Variants in CAMK1D observed in about 807,000 individuals in gnomAD.
CAMK1D encodes calcium/calmodulin-dependent protein kinase type 1D.
CAMK1D carries 9 observed loss-of-function variants against 47.7 expected under a neutral mutation model. The observed-to-expected ratio is 0.19, with a 90% confidence interval of 0.11 to 0.33. CAMK1D has a LOEUF of 0.33. CAMK1D is among the 10% of genes least tolerant of loss of function. The probability of loss-of-function intolerance (pLI) is 1.00; values close to 1 mark genes in which losing one functional copy is unlikely to be tolerated. For missense variants in CAMK1D, 291 were observed against 488.7 expected, an observed-to-expected ratio of 0.60 and a Z score of 3.81; for synonymous variants, 184 against 184.9, an observed-to-expected ratio of 0.99 and a Z score of 0.04.
At chr10:12,597,071 T>C (rs1378018334) in intron 2 of CAMK1D, among the ~76,000 whole-genome samples, 1 of 151,968 alleles carries the variant, frequency 6.6e-6, no homozygotes, top group Non-Finnish European at 1.5e-5. Context: ...TCAGTGGGGA[T>C]GGAAAATAAA....
intron 1 of CAMK1D, among the ~76,000 whole-genome samples, chr10:12,501,378 G>A (rs1435075989): frequency 6.6e-6 from 1 of 152,138 alleles, no homozygotes; most frequent in African/African-American, 2.4e-5. Context: ...GGGGCGAGGG[G>A]GACTTTAGGT....
At chr10:12,498,747 C>T (rs1314396516) in intron 1 of CAMK1D, among the ~76,000 whole-genome samples, 3 of 152,098 alleles carry the variant, frequency 2.0e-5, no homozygotes, top group South Asian at 4.2e-4. Context: ...GCAAAGTAGC[C>T]GATCTTCAGA....
At chr10:12,787,773 C>G (rs10795980) in intron 5 of CAMK1D, among the ~76,000 whole-genome samples, 138,042 of 152,256 alleles carry the variant, frequency 0.91, 64,011 homozygotes, top group Non-Finnish European at 1. Flanking sequence ...AGGCTGAGGC[C>G]GGTGGATCAT....
chr10:12,426,824 C>G (rs1022150649), intron 1 of CAMK1D, among the ~76,000 whole-genome samples: 2 of 152,210 alleles, frequency 1.3e-5, no homozygotes, highest in African/African-American at 4.8e-5. Context: ...AAGCAATTTT[C>G]TAGCCTCTGC....
intron 1 of CAMK1D, among the ~76,000 whole-genome samples, chr10:12,499,991 T>G (rs1396963193): frequency 6.6e-6 from 1 of 152,136 alleles, no homozygotes; most frequent in African/African-American, 2.4e-5. Context: ...CTGGACCACA[T>G]TTGGTGGCTC....
chr10:12,620,012 G>C (rs1588697470), intron 2 of CAMK1D, among the ~76,000 whole-genome samples: 1 of 151,998 alleles, frequency 6.6e-6, no homozygotes, highest in South Asian at 2.1e-4. Context: ...GTTGTTGTAT[G>C]TATCAGTAGT....
chr10:12,428,817 C>T (rs2131985194), intron 1 of CAMK1D, among the ~76,000 whole-genome samples: 1 of 152,282 alleles, frequency 6.6e-6, no homozygotes, highest in South Asian at 2.1e-4. Flanking sequence ...GGGAGCCCTC[C>T]TGAATGAGAT....
In CAMK1D at chr10:12,513,968, G is replaced by T. The variant is rs550354537; in HGVS notation, c.93-39257G>T. 2.8e-4 allele frequency among the ~76,000 whole-genome samples: 43 copies of T among 152,294 alleles called. No individual in the cohort carries two copies. The South Asian group carries it at 8.7e-3, about 31-fold the overall frequency. ...TCACTTCAAACATTTATGCCTCTCTGTTCGCTTGACTGCAGCGGTGGGCTG... is the reference window on the plus strand; with the variant it reads ...TCACTTCAAACATTTATGCCTCTCTTTTCGCTTGACTGCAGCGGTGGGCTG... On this transcript the variant is annotated intron_variant, in intron 1 of 10. Coordinates refer to ENST00000619168, the MANE Select transcript of CAMK1D (RefSeq NM_153498.4).
intron 3 of CAMK1D, among the ~76,000 whole-genome samples, chr10:12,687,641 A>G (rs1428664448): frequency 6.6e-6 from 1 of 152,232 alleles, no homozygotes; most frequent in Non-Finnish European, 1.5e-5. Flanking sequence ...TCCAAGACAA[A>G]GGGTGGAAGG....
intron 1 of CAMK1D, among the ~76,000 whole-genome samples, chr10:12,366,658 TAAAAA>T (rs113268184): frequency 2.1e-5 from 3 of 145,720 alleles, no homozygotes; most frequent in Non-Finnish European, 4.6e-5. Context: ...GACTATGTCT[TAAAAA>T]AAAAAAGAAG....
chr10:12,401,977 C>T (rs1839243258), intron 1 of CAMK1D, among the ~76,000 whole-genome samples: 1 of 151,752 alleles, frequency 6.6e-6, no homozygotes, highest in Non-Finnish European at 1.5e-5. Flanking sequence ...CTCATTGCAA[C>T]CTCCGCCTGC....
chr10:12,723,533 G>A (rs916144351), intron 3 of CAMK1D, among the ~76,000 whole-genome samples: 1 of 152,148 alleles, frequency 6.6e-6, no homozygotes, highest in Non-Finnish European at 1.5e-5. Flanking sequence ...TACAGGAATT[G>A]CAATATGGTA....
At chr10:12,467,930 T>C (rs558967737) in intron 1 of CAMK1D, among the ~76,000 whole-genome samples, 24 of 152,376 alleles carry the variant, frequency 1.6e-4, no homozygotes, top group African/African-American at 5.8e-4. Flanking sequence ...ATAGCCTGCA[T>C]ACCCTTTATC....
chr10:12,593,358 G>A (rs932876992), intron 2 of CAMK1D, among the ~76,000 whole-genome samples: 2 of 152,188 alleles, frequency 1.3e-5, no homozygotes, highest in African/African-American at 4.8e-5. Context: ...GGGAGGCCAA[G>A]GCGGGTGGAT....
chr10:12,361,248 G>GTTTTTTTTTTTT (rs55700646), intron 1 of CAMK1D, among the ~76,000 whole-genome samples: 17 of 120,080 alleles, frequency 1.4e-4, no homozygotes, highest in Non-Finnish European at 1.8e-4. Flanking sequence ...CTATTTGACT[G>GTTTTTTTTTTTT]TTTTTTTTTT....
chr10:12,624,641 C>T (rs563546865), intron 2 of CAMK1D, among the ~76,000 whole-genome samples: 70 of 152,270 alleles, frequency 4.6e-4, no homozygotes, highest in African/African-American at 1.5e-3. Context: ...CATCTGCCCT[C>T]GGACATTTAG....
chr10:12,378,542 AT>A (rs35418457), intron 1 of CAMK1D, among the ~76,000 whole-genome samples: 81,643 of 143,172 alleles, frequency 0.57, 23,365 homozygotes, highest in South Asian at 0.69. Flanking sequence ...GCCCCTTAGT[AT>A]TTTTTTTTTT....
At chr10:12,477,181 C>T (rs187871675) in intron 1 of CAMK1D, among the ~76,000 whole-genome samples, 17 of 152,150 alleles carry the variant, frequency 1.1e-4, no homozygotes, top group East Asian at 7.7e-4. Flanking sequence ...TTTGGGAGGC[C>T]GAGGCGGGCA....
At chr10:12,511,623 A>C (rs1357802110) in intron 1 of CAMK1D, among the ~76,000 whole-genome samples, 4 of 152,004 alleles carry the variant, frequency 2.6e-5, no homozygotes, top group African/African-American at 9.7e-5. Flanking sequence ...AAAACGAACA[A>C]ACAAACAAAA....
Sources: allele counts gnomAD v4.1 joint callset (sites outside exome capture counted in the v4.1 genomes callset), GRCh38; gene constraint gnomAD v4.1.1; transcripts MANE v1.5; gene names NCBI Gene and HGNC (gene_info 2026-07-23, HGNC 2026-07-21).